Variants in POLR1A observed in about 807,000 individuals in gnomAD.
POLR1A encodes the protein RNA polymerase I subunit A.
In POLR1A, 84 loss-of-function variants were observed where a neutral mutation model predicts 205.3. That is an observed-to-expected ratio of 0.41 (90% CI 0.34 to 0.49). The LOEUF (loss-of-function observed/expected upper bound fraction) is 0.49, where lower values mean the gene tolerates loss of function less well. POLR1A is among the 20% of genes least tolerant of loss of function. The pLI, the probability that POLR1A is intolerant of heterozygous loss-of-function variation, is 0.22. For missense variants in POLR1A, 1,645 were observed against 2,204.5 expected (o/e 0.75, Z 5.08); for synonymous variants, 799 against 863.7 (o/e 0.93, Z 1.31).
At position 86,080,887 on chromosome 2, in the gene POLR1A, G is replaced by T. The variant is rs374658884; in HGVS notation, c.1015C>A (p.Arg339=). ...QAVMKDVVLI[R]KLLALMAQEQ... ...TGGGCCATCAATGCCAGAAGTTTTC[G>T]AATCAGAACTACATCCTTCATGACA... Residue 339 remains arginine (R), a synonymous_variant, in exon 9 of 34, where the codon CGA becomes AGA. Coordinates refer to ENST00000263857, the MANE Select transcript of POLR1A (RefSeq NM_015425.6). The T allele has an allele frequency of 6.2e-7, 1 of 1,613,996 alleles. No homozygotes were observed. The highest frequency in any genetic ancestry group is 8.5e-7 in the Non-Finnish European group (1 of 1,180,000).
chr2:86,078,023 T>C (rs1253911981), intron 10 of POLR1A, 42 bp from the exon 11 acceptor site: 2 of 1,613,700 alleles, frequency 1.2e-6, no homozygotes, highest in Non-Finnish European at 1.7e-6. Context: ...TCAACAAGAA[T>C]TCCAGTAGGC....
intron 3 of POLR1A, among the ~76,000 whole-genome samples, chr2:86,093,592 C>G (rs62147715): frequency 0.019 from 2,870 of 152,292 alleles, 41 homozygotes; most frequent in Middle Eastern, 0.027. Context: ...CTCTGGGAGG[C>G]TGAGCCAGGT....
At chr2:86,074,094 A>G (rs570612263) in intron 12 of POLR1A, among the ~76,000 whole-genome samples, 1 of 152,320 alleles carries the variant, frequency 6.6e-6, no homozygotes, top group South Asian at 2.1e-4. Flanking sequence ...GCCCCTCAGG[A>G]CGGCGGTGAG....
At chr2:86,068,448 T>G (rs1234554787) in intron 13 of POLR1A, among the ~76,000 whole-genome samples, 1 of 144,558 alleles carries the variant, frequency 6.9e-6, no homozygotes, top group Non-Finnish European at 1.5e-5. Flanking sequence ...CATTGCTGGC[T>G]GACATATTAC....
At position 86,036,681 on chromosome 2, in the gene POLR1A, C is replaced by T. The variant is rs547623858; in HGVS notation, c.4034+2019G>A. On this transcript the variant is annotated intron_variant, in intron 27 of 33. Transcript: ENST00000263857. ...TGACAAAGGGAGTCCAGACCGCACC[C>T]AGCTCATCCACTGCCCCATCTTTTA... Among the ~76,000 whole-genome samples, 3 of 152,328 alleles carry T rather than the reference C, an allele frequency of 2.0e-5. No homozygotes were observed. In the South Asian group the frequency reaches 6.2e-4, roughly 32 times the overall value.
chr2:86,071,907 G>A (rs1446770399), intron 12 of POLR1A, among the ~76,000 whole-genome samples: 1 of 152,120 alleles, frequency 6.6e-6, no homozygotes, highest in Non-Finnish European at 1.5e-5. Flanking sequence ...ATGAAGACTT[G>A]GTGAAATCTC....
chr2:86,069,970 T>C, intron 13 of POLR1A, 48 bp downstream of exon 13: 1 of 1,582,128 alleles, frequency 6.3e-7, no homozygotes, highest in Non-Finnish European at 8.6e-7. Flanking sequence ...TTAAAAGTGC[T>C]AAGTCATGCT....
At chr2:86,039,766 C>T (rs1184331774) in intron 25 of POLR1A, among the ~76,000 whole-genome samples, 1 of 152,214 alleles carries the variant, frequency 6.6e-6, no homozygotes, top group East Asian at 1.9e-4. Context: ...AATGAACAAG[C>T]GATGCAGGGA....
In POLR1A at chr2:86,025,060, T is replaced by C. The variant is rs56673339; in HGVS notation, c.*2363A>G. 0.012 allele frequency: 1,820 copies of C among 152,218 alleles called. 44 individuals carry two copies. The highest frequency in any genetic ancestry group is 0.042 in the African/African-American group (1,731 of 41,522). The allele number at this position is 152,218 out of a possible 1,614,324, so 9.4% of individuals were successfully genotyped here. ...GCTGAGGCAGGAGAATCGCTTGAAC[T>C]CGGGAGATGGAGGTTGCAGTGGAGC... On this transcript the variant is annotated 3_prime_UTR_variant, in exon 34 of 34. Transcript: ENST00000263857.
intron 9 of POLR1A, among the ~76,000 whole-genome samples, chr2:86,080,501 G>A (rs17584578): frequency 0.088 from 13,312 of 152,104 alleles, 1,012 homozygotes; most frequent in East Asian, 0.23. Flanking sequence ...GAACAGCCTA[G>A]GTGTGAAATC....
Position 86,027,944 on chromosome 2 carries a change from G to A in POLR1A, c.5003C>T (p.Pro1668Leu). 2.5e-6 allele frequency: 4 copies of A among 1,614,218 alleles called. No individual in the cohort carries two copies. The highest frequency in any genetic ancestry group is 1.1e-5 in the South Asian group (1 of 91,088). Residue 1668 changes from proline (P) to leucine (L), a missense_variant, in exon 33 of 34, where the codon CCG (proline) becomes CTG (leucine). By Grantham distance (98) the Pro-to-Leu change is moderately conservative. Coordinates refer to ENST00000263857, the MANE Select transcript of POLR1A (RefSeq NM_015425.6). ...NRFGIRSNSS[P>L]LQQMTFETSF... ...GGTTTCAAATGTCATCTGCTGTAGC[G>A]GGGAAGAGTTTGACCGGATCCCAAA... is the stretch of plus-strand genomic sequence containing the variant.
rs1672694169 is a variant in POLR1A, at chr2:86,045,515, C to A, written c.2886+102G>T. ...TTTTTGACCTCGACAGCTACAATAG[C>A]CCCCAGTGTCTTCTGCCCTACCCTG... On this transcript the variant is annotated intron_variant, in intron 20 of 33. Transcript: ENST00000263857. The A allele has an allele frequency of 2.2e-5, 30 of 1,339,882 alleles. No homozygotes were observed. The South Asian group carries it at 2.7e-4, about 12-fold the overall frequency. The allele number at this position is 1,339,882 out of a possible 1,614,324, so 83.0% of individuals were successfully genotyped here.
At chr2:86,031,767 C>A in intron 29 of POLR1A, 132 bp from the exon 30 acceptor site, 2 of 1,204,272 alleles carry the variant, frequency 1.7e-6, no homozygotes, top group South Asian at 1.5e-5. Context: ...TCCACACTCC[C>A]GGCTCCTCTG....
At chr2:86,081,267 G>A (rs989169913) in intron 8 of POLR1A, among the ~76,000 whole-genome samples, 19 of 152,174 alleles carry the variant, frequency 1.2e-4, no homozygotes, top group Middle Eastern at 3.4e-3. Context: ...GTGGTGGTGC[G>A]TGCCTGTAAT....
intron 14 of POLR1A, among the ~76,000 whole-genome samples, chr2:86,061,172 C>G (rs572696832): frequency 2.0e-5 from 3 of 151,204 alleles, no homozygotes; most frequent in African/African-American, 7.3e-5. Context: ...AACAGCTGGG[C>G]GAGGTGGCTC....
rs140776748 is a variant in POLR1A at position 86,043,664 on chromosome 2, G to T, written c.3136-469C>A. Among the ~76,000 whole-genome samples the T allele has an allele frequency of 4.5e-3, 679 of 152,210 alleles. 3 individuals are homozygous for T. Among genetic ancestry groups the T allele is most frequent in the Non-Finnish European group, 6.0e-3 (409 of 68,020 alleles). On this transcript the variant is annotated intron_variant, in intron 22 of 33. Transcript: ENST00000263857. ...GGTGACTGCCCAGTCAACAGTGATG[G>T]TCACTACAAGGGCATTAAGGTATAC...
chr2:86,082,883 T>C (rs1673430996), intron 7 of POLR1A, among the ~76,000 whole-genome samples, 199 bp downstream of exon 7: 1 of 152,148 alleles, frequency 6.6e-6, no homozygotes, highest in Non-Finnish European at 1.5e-5. Context: ...AATTGTCAAG[T>C]TTTTGGTGCT....
chr2:86,045,765 G>A lies in POLR1A; in HGVS notation c.2738C>T (p.Ser913Leu), dbSNP rs771151845. The A allele has an allele frequency of 3.1e-6, 5 of 1,604,382 alleles. No individual in the cohort carries two copies. The highest frequency in any genetic ancestry group is 4.2e-6 in the Non-Finnish European group (5 of 1,177,822). Reference sequence around the variant, plus strand: ...CAGTTCAATCTGGCCCAGCAGGCACGAGATCTGGAGGACAGGAAATCCACA... The same window carrying A: ...CAGTTCAATCTGGCCCAGCAGGCACAAGATCTGGAGGACAGGAAATCCACA... ...KGSTVNTMQI[S>L]CLLGQIELEG... The change falls in exon 20 of 34, where the codon TCG (serine) becomes TTG (leucine). Residue 913 changes from serine (S) to leucine (L), a missense_variant. Around this residue, in one of 16 missense-constraint regions of POLR1A, gnomAD observed 339 missense variants for 415.1 expected, o/e 0.82. Coordinates refer to ENST00000263857, the MANE Select transcript of POLR1A (RefSeq NM_015425.6).
At chr2:86,042,574 T>C (rs1387559213) in intron 23 of POLR1A, among the ~76,000 whole-genome samples, 2 of 152,188 alleles carry the variant, frequency 1.3e-5, no homozygotes, top group African/African-American at 2.4e-5. Context: ...TGTGCTTGGC[T>C]GATGGGAGGC....
Sources: gnomAD v4.1 joint callset for allele counts (sites outside exome capture counted in the v4.1 genomes callset) on GRCh38, gnomAD v4.1.1 for gene constraint, gnomAD v4.1.1 regional missense constraint, MANE v1.5 for transcripts, NCBI Gene and HGNC (gene_info 2026-07-23, HGNC 2026-07-21) for gene names.